HEMK2: variants seen among roughly 807,000 people sequenced by gnomAD.
HEMK2 encodes methyltransferase HEMK2.
the HEMK2 span, among the ~76,000 whole-genome samples, chr21:28,688,436 G>A: frequency 1.3e-5 from 2 of 152,148 alleles, no homozygotes; most frequent in Non-Finnish European, 2.9e-5. Context: ...ATGCTGCTCT[G>A]TGGCAGGTCT....
the HEMK2 span, among the ~76,000 whole-genome samples, chr21:28,604,058 T>C: frequency 6.6e-6 from 1 of 152,242 alleles, no homozygotes; most frequent in Non-Finnish European, 1.5e-5. Context: ...CTGGAAGATC[T>C]TGCAAGTCAT....
the HEMK2 span, among the ~76,000 whole-genome samples, chr21:28,759,250 T>C: frequency 1.3e-5 from 2 of 152,322 alleles, no homozygotes; most frequent in East Asian, 3.9e-4. Flanking sequence ...CAGTGTGACC[T>C]GGATGTGAGA....
chr21:28,874,412 C>T, the HEMK2 span: 1 of 152,266 alleles, frequency 6.6e-6, no homozygotes, highest in Admixed American at 6.5e-5. Flanking sequence ...AGGCAACTGA[C>T]TGATGACCCT....
the HEMK2 span, chr21:28,878,084 A>C: frequency 1.0e-6 from 1 of 975,106 alleles, no homozygotes; most frequent in Non-Finnish European, 1.5e-6. Flanking sequence ...TAACTGTTTT[A>C]AGTGATTCAT....
At chr21:28,859,760 C>A in the HEMK2 span, among the ~76,000 whole-genome samples, 1 of 152,122 alleles carries the variant, frequency 6.6e-6, no homozygotes, top group East Asian at 1.9e-4. Flanking sequence ...CCACCCCAGA[C>A]CTGAGTGTGG....
At chr21:28,635,158 G>A in the HEMK2 span, among the ~76,000 whole-genome samples, 1 of 149,166 alleles carries the variant, frequency 6.7e-6, no homozygotes, top group Non-Finnish European at 1.5e-5. Context: ...CTGGCATGCA[G>A]TAGTGCCATC....
the HEMK2 span, among the ~76,000 whole-genome samples, chr21:28,640,840 C>T: frequency 6.6e-6 from 1 of 152,206 alleles, no homozygotes; most frequent in African/African-American, 2.4e-5. Flanking sequence ...TAACATTTCA[C>T]CTTCTGTCTA....
the HEMK2 span, among the ~76,000 whole-genome samples, chr21:28,803,379 T>TGTTCAAAAA: frequency 7.9e-5 from 12 of 152,198 alleles, no homozygotes; most frequent in African/African-American, 2.9e-4. Flanking sequence ...GGCCTTTGTA[T>TGTTCAAAAA]ACATAGTCAG....
the HEMK2 span, among the ~76,000 whole-genome samples, chr21:28,636,151 T>A: frequency 2.6e-4 from 40 of 152,326 alleles, no homozygotes; most frequent in African/African-American, 9.4e-4. Context: ...CCTTTTTTGG[T>A]ACATTGAGTA....
the HEMK2 span, among the ~76,000 whole-genome samples, chr21:28,828,969 A>G: frequency 6.6e-6 from 1 of 152,190 alleles, no homozygotes; most frequent in Admixed American, 6.5e-5. Flanking sequence ...GAGCTTTAAC[A>G]ATTTTTAATA....
chr21:28,600,794 C>T, the HEMK2 span, among the ~76,000 whole-genome samples: 18,890 of 152,172 alleles, frequency 0.12, 2,070 homozygotes, highest in East Asian at 0.59. Flanking sequence ...AAATTTCTTC[C>T]GCCAGATACC....
the HEMK2 span, among the ~76,000 whole-genome samples, chr21:28,701,546 CCACACACACACATACACACA>C: frequency 0.017 from 2,004 of 119,950 alleles, 41 homozygotes; most frequent in African/African-American, 0.048. Flanking sequence ...TTCACAATAG[CCACACACACACATACACACA>C]CACACACACA....
At chr21:28,849,917 A>G in the HEMK2 span, among the ~76,000 whole-genome samples, 10 of 152,234 alleles carry the variant, frequency 6.6e-5, no homozygotes, top group African/African-American at 2.2e-4. Context: ...AAAGAGAGAA[A>G]GCAAGCAACT....
At chr21:28,644,975 A>C in the HEMK2 span, among the ~76,000 whole-genome samples, 5 of 152,076 alleles carry the variant, frequency 3.3e-5, no homozygotes, top group East Asian at 7.7e-4. Flanking sequence ...TTTTTTGGTG[A>C]GTTATAGGAA....
the HEMK2 span, among the ~76,000 whole-genome samples, chr21:28,805,755 G>A: frequency 6.6e-6 from 1 of 151,958 alleles, no homozygotes; most frequent in Non-Finnish European, 1.5e-5. Context: ...CTTTCGGCTG[G>A]GTAGATGCTT....
the HEMK2 span, among the ~76,000 whole-genome samples, chr21:28,576,384 T>C: frequency 2.0e-5 from 3 of 152,200 alleles, no homozygotes; most frequent in African/African-American, 7.2e-5. Context: ...CATAAATTTC[T>C]CTTGTGAAGT....
the HEMK2 span, among the ~76,000 whole-genome samples, chr21:28,835,153 T>C: frequency 1.3e-5 from 2 of 151,996 alleles, no homozygotes; most frequent in African/African-American, 4.8e-5. Flanking sequence ...GCTAATGCTG[T>C]CTGGAAAATG....
the HEMK2 span, among the ~76,000 whole-genome samples, chr21:28,840,731 C>T: frequency 6.6e-6 from 1 of 151,768 alleles, no homozygotes; most frequent in Non-Finnish European, 1.5e-5. Context: ...GAACAGGGAA[C>T]ATTTCTACAC....
chr21:28,762,158 T>C, the HEMK2 span, among the ~76,000 whole-genome samples: 1 of 152,246 alleles, frequency 6.6e-6, no homozygotes, highest in East Asian at 1.9e-4. Flanking sequence ...AGAGGAATGC[T>C]GCCTGGGTGT....
Sources: gnomAD v4.1 joint callset for allele counts (sites outside exome capture counted in the v4.1 genomes callset) on GRCh38, gnomAD v4.1.1 for gene constraint, MANE v1.5 for transcripts, NCBI Gene and HGNC (gene_info 2026-07-23, HGNC 2026-07-21) for gene names.